RNF150: variants seen among roughly 807,000 people sequenced by gnomAD.
RNF150 encodes ring finger protein 150.
In RNF150, 24 loss-of-function variants were observed where a neutral mutation model predicts 39.3. The ratio of observed to expected loss-of-function variants is 0.61; its 90% CI spans 0.44 to 0.86. The LOEUF is 0.86. Among genes scored for constraint, RNF150 ranks in the 40% least tolerant of loss-of-function variants. RNF150 has a pLI of 0.00. For missense variants in RNF150, 502 were observed against 587.8 expected, an observed-to-expected ratio of 0.85 and a Z score of 1.51; for synonymous variants, 255 against 227.3, an observed-to-expected ratio of 1.12 and a Z score of -1.10.
intron 1 of RNF150, among the ~76,000 whole-genome samples, chr4:141,071,012 GA>G (rs1737674818): frequency 7.8e-6 from 1 of 127,954 alleles, no homozygotes; most frequent in South Asian, 2.8e-4. Flanking sequence ...ACTGGATTAA[GA>G]AAATGTGGCA....
chr4:141,041,141 G>A (rs1171693844), intron 1 of RNF150, among the ~76,000 whole-genome samples: 1 of 152,100 alleles, frequency 6.6e-6, no homozygotes, highest in East Asian at 1.9e-4. Flanking sequence ...GCAAAAAACT[G>A]GAATGTGGTT....
chr4:140,954,089 C>T (rs146949193), intron 2 of RNF150, among the ~76,000 whole-genome samples: 2 of 152,322 alleles, frequency 1.3e-5, no homozygotes, highest in African/African-American at 4.8e-5. Flanking sequence ...GGGACCACTT[C>T]AGGTGGATTG....
intron 2 of RNF150, among the ~76,000 whole-genome samples, chr4:140,964,209 G>C (rs1459968377): frequency 6.6e-6 from 1 of 152,064 alleles, no homozygotes; most frequent in African/African-American, 2.4e-5. Flanking sequence ...GTGGCTAAGG[G>C]CATGGACTCT....
At chr4:140,939,663 T>C (rs1732005605) in intron 4 of RNF150, among the ~76,000 whole-genome samples, 1 of 129,564 alleles carries the variant, frequency 7.7e-6, no homozygotes, top group Non-Finnish European at 1.7e-5. Flanking sequence ...TGTGTGTGTT[T>C]GAGTGATGAC....
At chr4:141,098,763 A>G (rs1000064220) in intron 1 of RNF150, among the ~76,000 whole-genome samples, 2 of 152,310 alleles carry the variant, frequency 1.3e-5, no homozygotes, top group Admixed American at 6.5e-5. Context: ...TCTCTCTTAC[A>G]TTAGCAGTAA....
intron 4 of RNF150, among the ~76,000 whole-genome samples, chr4:140,946,238 C>T (rs1340888603): frequency 6.6e-6 from 1 of 152,214 alleles, no homozygotes; most frequent in African/African-American, 2.4e-5. Flanking sequence ...TGCCTATGGA[C>T]ATTTCAACCA....
chr4:141,063,804 G>A (rs1737342918), intron 1 of RNF150, among the ~76,000 whole-genome samples: 1 of 152,090 alleles, frequency 6.6e-6, no homozygotes, highest in Admixed American at 6.6e-5. Context: ...GTGCCCGTAT[G>A]TGTGTGTGTC....
At chr4:141,128,518 G>A (rs1392838812) in intron 1 of RNF150, among the ~76,000 whole-genome samples, 3 of 152,118 alleles carry the variant, frequency 2.0e-5, no homozygotes, top group Non-Finnish European at 4.4e-5. Context: ...TTCACAGGCA[G>A]GCATCAGACC....
intron 6 of RNF150, among the ~76,000 whole-genome samples, chr4:140,905,497 C>T (rs547061249): frequency 1.3e-4 from 20 of 152,136 alleles, no homozygotes; most frequent in African/African-American, 4.1e-4. Context: ...GGAACTTGTT[C>T]GGTAATTCTT....
At chr4:140,872,727 T>C (rs532366527) in intron 6 of RNF150, among the ~76,000 whole-genome samples, 3 of 152,326 alleles carry the variant, frequency 2.0e-5, no homozygotes, top group African/African-American at 7.2e-5. Context: ...GCAATACAGA[T>C]GCCATTTATT....
At chr4:141,054,636 C>A (rs962333171) in intron 1 of RNF150, among the ~76,000 whole-genome samples, 6 of 151,998 alleles carry the variant, frequency 3.9e-5, no homozygotes, top group Admixed American at 3.9e-4. Flanking sequence ...ATGTCTTTCC[C>A]CCACCCCCAA....
intron 6 of RNF150, among the ~76,000 whole-genome samples, chr4:140,899,673 C>T (rs2111246630): frequency 6.6e-6 from 1 of 152,288 alleles, no homozygotes; most frequent in African/African-American, 2.4e-5. Context: ...GAACTGTCTT[C>T]TAAGCATCCT....
At chr4:140,921,215 C>G (rs561462564) in intron 5 of RNF150, among the ~76,000 whole-genome samples, 1 of 150,778 alleles carries the variant, frequency 6.6e-6, no homozygotes, top group African/African-American at 2.4e-5. Flanking sequence ...ATTGATAGAC[C>G]GCTAGCAAGA....
At chr4:141,023,260 T>A (rs1310485133) in intron 1 of RNF150, among the ~76,000 whole-genome samples, 1 of 151,552 alleles carries the variant, frequency 6.6e-6, no homozygotes, top group African/African-American at 2.4e-5. Flanking sequence ...ATGATGATGT[T>A]TGAGTGATGG....
At chr4:141,028,354 A>G (rs1735800120) in intron 1 of RNF150, among the ~76,000 whole-genome samples, 1 of 152,214 alleles carries the variant, frequency 6.6e-6, no homozygotes, top group Non-Finnish European at 1.5e-5. Flanking sequence ...ATCCTTCTTA[A>G]GGACTGGAGC....
intron 1 of RNF150, among the ~76,000 whole-genome samples, chr4:141,198,609 C>T (rs75168860): frequency 3.9e-5 from 6 of 152,160 alleles, no homozygotes; most frequent in African/African-American, 1.4e-4. Context: ...ATTAATGGTA[C>T]GTCCAGAGGA....
chr4:140,915,536 C>A (rs1730784970), intron 5 of RNF150, among the ~76,000 whole-genome samples: 1 of 152,220 alleles, frequency 6.6e-6, no homozygotes, highest in Non-Finnish European at 1.5e-5. Context: ...CATATGCCTT[C>A]ATGCTTTGTG....
At chr4:141,101,681 C>T (rs988513176) in intron 1 of RNF150, among the ~76,000 whole-genome samples, 9 of 152,062 alleles carry the variant, frequency 5.9e-5, no homozygotes, top group African/African-American at 1.9e-4. Flanking sequence ...TTGTTTACAC[C>T]AGCATAACTA....
chr4:141,041,878 G>T (rs1271680394), intron 1 of RNF150, among the ~76,000 whole-genome samples: 1 of 152,008 alleles, frequency 6.6e-6, no homozygotes, highest in Non-Finnish European at 1.5e-5. Flanking sequence ...ATAACTAATT[G>T]TGAGTACATC....
Sources: allele counts gnomAD v4.1 joint callset (sites outside exome capture counted in the v4.1 genomes callset), GRCh38; gene constraint gnomAD v4.1.1; transcripts MANE v1.5; gene names NCBI Gene and HGNC (gene_info 2026-07-23, HGNC 2026-07-21).